C1orf159: variants seen among roughly 807,000 people sequenced by gnomAD.
C1orf159 encodes uncharacterized protein C1orf159.
Under a neutral mutation model 25.6 loss-of-function variants are expected in C1orf159, and 19 were observed. The observed-to-expected ratio is 0.74, with a 90% CI of 0.52 to 1.09. The LOEUF is 1.09. Among genes scored for constraint, C1orf159 ranks in the 50% least tolerant of loss-of-function variants. The probability of loss-of-function intolerance (pLI) is 0.00; values close to 1 mark genes in which losing one functional copy is unlikely to be tolerated. For synonymous variants in C1orf159, 139 were observed against 124.7 expected (o/e 1.12, Z -0.77); for missense variants, 274 against 290.6 (o/e 0.94, Z 0.42).
chr1:1,084,279 A>AAACCCGTTTGGGG, intron 9 of C1orf159, 74 bp downstream of exon 9: 1 of 1,520,254 alleles, frequency 6.6e-7, no homozygotes, highest in Non-Finnish European at 8.8e-7. Context: ...CCGTTTGGGG[A>AAACCCGTTTGGGG]CAAACCCACA....
intron 1 of C1orf159, among the ~76,000 whole-genome samples, chr1:1,101,353 C>G (rs1646097157): frequency 1.3e-5 from 2 of 152,134 alleles, no homozygotes; most frequent in Admixed American, 6.5e-5. Flanking sequence ...CATGGTAGCA[C>G]ACGCTTGTAG....
At chr1:1,091,443 C>G in intron 3 of C1orf159, 29 bp downstream of exon 3, 1 of 1,544,542 alleles carries the variant, frequency 6.5e-7, no homozygotes, top group Non-Finnish European at 8.8e-7. Context: ...CTGGCTTAGG[C>G]CGCGTGGACA....
intron 1 of C1orf159, among the ~76,000 whole-genome samples, chr1:1,095,291 A>C (rs1308623957): frequency 6.6e-6 from 1 of 152,240 alleles, no homozygotes; most frequent in Non-Finnish European, 1.5e-5. Context: ...TTTTAACAGG[A>C]TTGAGTCTTT....
chr1:1,090,480 A>C, intron 3 of C1orf159, 52 bp from the exon 4 acceptor site: 2 of 1,529,298 alleles, frequency 1.3e-6, no homozygotes, highest in Non-Finnish European at 1.8e-6. Context: ...AGGCAGGCTC[A>C]CGCCCAGAGC....
At position 1,089,284 on chromosome 1, in the gene C1orf159, C is replaced by T. The variant is rs1426362944; in HGVS notation, c.148+1069G>A. ...CGTGACTGCTGCACAGCTGCCTGCACCCACAGAGTGCCTGGGGTACACAAT... is the reference window on the plus strand; with the variant it reads ...CGTGACTGCTGCACAGCTGCCTGCATCCACAGAGTGCCTGGGGTACACAAT... On this transcript the variant is annotated intron_variant, in intron 4 of 9. Coordinates refer to ENST00000421241, the MANE Select transcript of C1orf159 (RefSeq NM_017891.5). This position sits in a 1 kb window ranked among gnomAD's most constrained non-coding sequence, Gnocchi z 7.5. Among the ~76,000 whole-genome samples, 2 of 152,170 alleles carry T rather than the reference C, an allele frequency of 1.3e-5. No homozygotes were observed. Among genetic ancestry groups the T allele is most frequent in the Non-Finnish European group, 2.9e-5 (2 of 68,014 alleles).
intron 1 of C1orf159, among the ~76,000 whole-genome samples, chr1:1,101,578 A>T (rs2100764692): frequency 6.6e-6 from 1 of 151,968 alleles, no homozygotes; most frequent in African/African-American, 2.4e-5. Context: ...CTCAGGGTCC[A>T]TTGGCTCACA....
At chr1:1,108,101 C>T (rs549971054) in intron 1 of C1orf159, among the ~76,000 whole-genome samples, 19 of 148,594 alleles carry the variant, frequency 1.3e-4, no homozygotes, top group Admixed American at 2.7e-4. Context: ...TCACCACAGC[C>T]CCATGTCTCA....
chr1:1,107,770 G>C (rs1454264796), intron 1 of C1orf159, among the ~76,000 whole-genome samples: 5 of 152,102 alleles, frequency 3.3e-5, no homozygotes, highest in Admixed American at 2.6e-4. Context: ...TGGAAGCTTT[G>C]TTCTTTCGCT....
intron 1 of C1orf159, among the ~76,000 whole-genome samples, chr1:1,093,512 C>A (rs1463805049): frequency 1.3e-5 from 2 of 152,214 alleles, no homozygotes; most frequent in Admixed American, 1.3e-4. Context: ...GCGGCCCCCA[C>A]AAGCCCGGGC....
rs188083450 is a variant in C1orf159, at chr1:1,106,852, G to A, written c.-136+9208C>T. ...AGTTCTGGGTGGGTGCAGGCTCGGC[G>A]GGCCCCGCACTCAGAGCACCTGCCG... On this transcript the variant is annotated intron_variant, in intron 1 of 9. Coordinates refer to ENST00000421241, the MANE Select transcript of C1orf159 (RefSeq NM_017891.5). 9.0e-3 allele frequency: 1,369 copies of A among 152,714 alleles called. 21 individuals carry two copies. Among genetic ancestry groups the A allele is most frequent in the African/African-American group, 0.03 (1,249 of 41,582 alleles). The allele number at this position is 152,714 out of a possible 1,614,324, so 9.5% of individuals were successfully genotyped here.
intron 1 of C1orf159, among the ~76,000 whole-genome samples, chr1:1,105,743 G>GTGGT (rs1182511724): frequency 2.3e-4 from 35 of 151,866 alleles, no homozygotes; most frequent in African/African-American, 8.5e-4. Flanking sequence ...TTAGCTGGGC[G>GTGGT]GGCGCCTGTA....
In C1orf159 at chr1:1,092,103, C is replaced by T. The variant is rs1441266848; in HGVS notation, c.-135G>A. On this transcript the variant is annotated splice_region_variant and 5_prime_UTR_variant, in exon 2 of 10. Coordinates refer to ENST00000421241, the MANE Select transcript of C1orf159 (RefSeq NM_017891.5). ...TGAGCCCTGCAGACCCCGGCCCAGT[C>T]CTGCAGATGAAGACAGCAGGTGAGG... 1 of 419,818 alleles carries T rather than the reference C, an allele frequency of 2.4e-6. No individual in the cohort carries two copies. The highest frequency in any genetic ancestry group is 4.8e-6 in the Non-Finnish European group (1 of 209,376). The allele number at this position is 419,818 out of a possible 1,614,324, so 26.0% of individuals were successfully genotyped here.
chr1:1,108,088 C>G (rs964688975), intron 1 of C1orf159, among the ~76,000 whole-genome samples: 10 of 151,228 alleles, frequency 6.6e-5, no homozygotes, highest in Non-Finnish European at 1.3e-4. Flanking sequence ...TCGGCAGCAC[C>G]ATTCACCACA....
At chr1:1,112,167 C>T (rs1055003282) in intron 1 of C1orf159, among the ~76,000 whole-genome samples, 3 of 152,166 alleles carry the variant, frequency 2.0e-5, no homozygotes, top group Admixed American at 6.5e-5. Context: ...TTGCACCCAG[C>T]GCCAGGGAAA....
intron 1 of C1orf159, among the ~76,000 whole-genome samples, chr1:1,112,354 T>A (rs1232849023): frequency 2.0e-5 from 3 of 152,202 alleles, no homozygotes; most frequent in African/African-American, 7.2e-5. Flanking sequence ...ACGCCTCAGG[T>A]GAGCATGGGC....
rs1157036414 is a variant in C1orf159 at position 1,091,535 on chromosome 1, C to G, written c.9G>C (p.Leu3=). ...GGCCAGCCAGGAGGGCGAGGTGCCG[C>G]AGCGCCATGCCAGGAGCAGATGCGC... MA[L]RHLALLAGLL... Residue 3 remains leucine, a synonymous_variant, in exon 3 of 10, where the codon CTG becomes CTC. Coordinates refer to ENST00000421241, the MANE Select transcript of C1orf159 (RefSeq NM_017891.5). The G allele has an allele frequency of 1.3e-6, 2 of 1,549,158 alleles. No individual in the cohort carries two copies. Among genetic ancestry groups the G allele is most frequent in the Admixed American group, 2.0e-5 (1 of 50,958 alleles).
At chr1:1,093,387 C>T (rs1438431199) in intron 1 of C1orf159, among the ~76,000 whole-genome samples, 2 of 152,240 alleles carry the variant, frequency 1.3e-5, no homozygotes, top group Admixed American at 6.5e-5. Context: ...ATCTACTTTA[C>T]ATACAATAAA....
intron 1 of C1orf159, among the ~76,000 whole-genome samples, chr1:1,114,473 T>G (rs1396896072): frequency 6.6e-6 from 1 of 151,978 alleles, no homozygotes. Flanking sequence ...AAAGCTCAGG[T>G]GGAGAGCAGC....
At chr1:1,085,793 A>C (rs934591897) in intron 7 of C1orf159, 85 bp downstream of exon 7, 6 of 1,523,900 alleles carry the variant, frequency 3.9e-6, no homozygotes, top group Non-Finnish European at 5.3e-6. Flanking sequence ...CTGGCCTGGG[A>C]CACTCCAGTC....
Sources: allele counts gnomAD v4.1 joint callset (sites outside exome capture counted in the v4.1 genomes callset), GRCh38; gene constraint gnomAD v4.1.1; non-coding constraint Gnocchi (gnomAD v3.1); transcripts MANE v1.5; gene names NCBI Gene and HGNC (gene_info 2026-07-23, HGNC 2026-07-21).